ZMYM4: variants seen among roughly 807,000 people sequenced by gnomAD.
ZMYM4 encodes the protein zinc finger MYM-type containing 4.
A neutral mutation model predicts 183.2 loss-of-function variants in ZMYM4; 31 were observed. That is an observed-to-expected ratio of 0.17 (90% CI 0.13 to 0.23). The LOEUF (loss-of-function observed/expected upper bound fraction) is 0.23. Among genes scored for constraint, ZMYM4 ranks in the 10% least tolerant of loss-of-function variants. The pLI, the probability that ZMYM4 is intolerant of heterozygous loss-of-function variation, is 1.00. For missense variants in ZMYM4, 1,273 were observed against 1,840.3 expected (o/e 0.69, Z 5.64); for synonymous variants, 592 against 631.2 (o/e 0.94, Z 0.93).
chr1:35,387,398 A>G (rs768014352), intron 12 of ZMYM4, 56 bp from the exon 13 acceptor site: 1 of 1,569,216 alleles, frequency 6.4e-7, no homozygotes, highest in East Asian at 2.2e-5. Context: ...GGAGATAAGG[A>G]GTTCCATAAG....
chr1:35,275,681 A>G (rs1639836728), intron 1 of ZMYM4, among the ~76,000 whole-genome samples: 1 of 152,216 alleles, frequency 6.6e-6, no homozygotes, highest in Non-Finnish European at 1.5e-5. Flanking sequence ...TTATTTTACT[A>G]TGAGCTAACT....
intron 7 of ZMYM4, among the ~76,000 whole-genome samples, chr1:35,380,577 C>T (rs1644434863): frequency 6.6e-6 from 1 of 152,186 alleles, no homozygotes; most frequent in African/African-American, 2.4e-5. Flanking sequence ...CCGCCAGCCT[C>T]AGCCTCCCAA....
intron 1 of ZMYM4, among the ~76,000 whole-genome samples, chr1:35,313,152 C>T (rs933455990): frequency 6.6e-6 from 1 of 152,136 alleles, no homozygotes; most frequent in African/African-American, 2.4e-5. Flanking sequence ...CCTCAGCCTC[C>T]CAAAGTGCTG....
intron 1 of ZMYM4, among the ~76,000 whole-genome samples, chr1:35,302,495 C>T (rs899803367): frequency 6.7e-6 from 1 of 149,590 alleles, no homozygotes; most frequent in Non-Finnish European, 1.5e-5. Context: ...ATGCCATTCT[C>T]CTGCCTCAGC....
chr1:35,339,891 A>G (rs1643132976), intron 2 of ZMYM4, among the ~76,000 whole-genome samples: 1 of 152,178 alleles, frequency 6.6e-6, no homozygotes, highest in Non-Finnish European at 1.5e-5. Flanking sequence ...AAGTTTCTCT[A>G]TAACTACATC....
chr1:35,371,062 AGT>A (rs67591506), intron 7 of ZMYM4, among the ~76,000 whole-genome samples: 1,311 of 126,162 alleles, frequency 0.01, 19 homozygotes, highest in African/African-American at 0.034. Flanking sequence ...AATGGCTTCC[AGT>A]GTGTGTGTGT....
chr1:35,415,644 T>C lies in ZMYM4; in HGVS notation c.4239T>C (p.Thr1413=). ...CCCATGTGATGAGACGGACCAGGAC[T>C]CTGAAGTACAGTACCAAGATGACAT... ...SFAHVMRRTR[T]LKYSTKMTYL... is the part of the protein sequence containing the mutation. Residue 1413 remains threonine (T), a synonymous_variant, in exon 28 of 30, where the codon ACT becomes ACC. Coordinates refer to ENST00000314607, the MANE Select transcript of ZMYM4 (RefSeq NM_005095.3). The C allele has an allele frequency of 2.5e-6, 4 of 1,614,178 alleles. No homozygotes were observed. The highest frequency in any genetic ancestry group is 3.4e-6 in the Non-Finnish European group (4 of 1,180,024).
intron 19 of ZMYM4, 130 bp from the exon 20 acceptor site, chr1:35,397,247 T>C: frequency 8.7e-7 from 1 of 1,148,084 alleles, no homozygotes; most frequent in South Asian, 3.0e-5. Context: ...AGCAAGACTA[T>C]TTTAATCATC....
intron 28 of ZMYM4, among the ~76,000 whole-genome samples, chr1:35,416,981 A>G (rs1270187878): frequency 6.6e-6 from 1 of 152,218 alleles, no homozygotes; most frequent in Non-Finnish European, 1.5e-5. Context: ...AGTAACTAGC[A>G]AAGTCTTTCT....
chr1:35,329,471 AT>A (rs1040106886), intron 2 of ZMYM4, among the ~76,000 whole-genome samples: 1 of 152,170 alleles, frequency 6.6e-6, no homozygotes, highest in African/African-American at 2.4e-5. Flanking sequence ...TAAGTCAAGG[AT>A]TTTTATTCAT....
chr1:35,362,348 T>C (rs1219486136), intron 5 of ZMYM4, among the ~76,000 whole-genome samples: 1 of 152,202 alleles, frequency 6.6e-6, no homozygotes, highest in Admixed American at 6.5e-5. Context: ...GCTCTGCTAT[T>C]TCAAGGTTGC....
chr1:35,296,887 T>C (rs1448720072), intron 1 of ZMYM4, among the ~76,000 whole-genome samples: 1 of 147,626 alleles, frequency 6.8e-6, no homozygotes, highest in South Asian at 2.2e-4. Context: ...TTCGCTCTTA[T>C]TGCCCAGGCT....
intron 1 of ZMYM4, among the ~76,000 whole-genome samples, chr1:35,301,080 C>T (rs1641256873): frequency 6.6e-6 from 1 of 152,160 alleles, no homozygotes; most frequent in Admixed American, 6.6e-5. Flanking sequence ...CCCTGTATCC[C>T]TGCCTTAAAA....
chr1:35,327,311 C>G (rs1180824898), intron 2 of ZMYM4, among the ~76,000 whole-genome samples: 1 of 152,100 alleles, frequency 6.6e-6, no homozygotes, highest in Middle Eastern at 3.2e-3. Context: ...TATGTATTCC[C>G]ATACACATCT....
chr1:35,304,058 G>T lies in ZMYM4; in HGVS notation c.40-21302G>T, dbSNP rs562932168. On this transcript the variant is annotated intron_variant, in intron 1 of 29. Coordinates refer to ENST00000314607, the MANE Select transcript of ZMYM4 (RefSeq NM_005095.3). The stretch of plus-strand genomic sequence containing the variant: ...TTTTTTTTTTGAAACGGAGTTTCGC[G>T]CTGTCGCCTGGGCTGGAGTGCAATG... 2.1e-3 allele frequency among the ~76,000 whole-genome samples: 323 copies of T among 150,712 alleles called. 1 individual carries two copies. The highest frequency in any genetic ancestry group is 3.4e-3 in the Non-Finnish European group (230 of 67,814).
At chr1:35,385,988 T>G (rs1644566836) in intron 10 of ZMYM4, 86 bp from the exon 11 acceptor site, 1 of 905,108 alleles carries the variant, frequency 1.1e-6, no homozygotes, top group South Asian at 2.3e-5. Context: ...TTAAATTTTC[T>G]TATATTGTAT....
rs551880 is a variant in ZMYM4 at position 35,381,707 on chromosome 1, G to A, written c.1518G>A (p.Glu506=). 4,322 of 1,614,182 alleles carry A rather than the reference G, an allele frequency of 2.7e-3. 62 individuals carry two copies. Among genetic ancestry groups the A allele is most frequent in the African/African-American group, 0.025 (1,910 of 75,026 alleles). The change falls in exon 9 of 30, where the codon GAG becomes GAA. Residue 506 remains glutamate (E), a synonymous_variant. Coordinates refer to ENST00000314607, the MANE Select transcript of ZMYM4 (RefSeq NM_005095.3). ...GACAATGCCACATGCTTCAGATAGAGGGACAGTCTAAGAAGTTTTGTAGTT... is the reference window on the plus strand; with the variant it reads ...GACAATGCCACATGCTTCAGATAGAAGGACAGTCTAAGAAGTTTTGTAGTT... The part of the protein sequence containing the change: ...GSGQCHMLQI[E]GQSKKFCSSS...
Position 35,268,943 on chromosome 1 carries a change from C to G in ZMYM4, c.-104C>G. The G allele has an allele frequency of 4.7e-6, 6 of 1,279,196 alleles. No homozygotes were observed. The highest frequency in any genetic ancestry group is 3.1e-5 in the African/African-American group (2 of 63,908). 79.2% of individuals were successfully genotyped at this position (1,279,196 alleles called of 1,614,324 possible). On this transcript the variant is annotated 5_prime_UTR_variant, in exon 1 of 30. Coordinates refer to ENST00000314607, the MANE Select transcript of ZMYM4 (RefSeq NM_005095.3). ...CAAGGCCCGGCCGGGTCCGGGGAAG[C>G]TGCCGCGAGGCGGCCGTGCCTGCAG...
In ZMYM4 at chr1:35,385,535, C is replaced by G; in HGVS notation, c.1663C>G (p.Leu555Val). ...TACCAATAGCTTGGGGAAGACAGAG[C>G]TTTTCTGTTCTGTTAATTGCTTATC... ...ENTNSLGKTE[L>V]FCSVNCLSAY... The change falls in exon 10 of 30, where the codon CTT becomes GTT. Residue 555 changes from leucine to valine, a missense_variant. By Grantham distance (32) the Leu-to-Val change is conservative. Transcript: ENST00000314607. 1 of 1,612,888 alleles carries G rather than the reference C, an allele frequency of 6.2e-7. No homozygotes were observed. Among genetic ancestry groups the G allele is most frequent in the Non-Finnish European group, 8.5e-7 (1 of 1,179,646 alleles).
Sources: allele counts gnomAD v4.1 joint callset (sites outside exome capture counted in the v4.1 genomes callset), GRCh38; gene constraint gnomAD v4.1.1; transcripts MANE v1.5; gene names NCBI Gene and HGNC (gene_info 2026-07-23, HGNC 2026-07-21).